The following C10orf90 variants were observed in gnomAD, a reference collection of about 807,000 sequenced individuals.
The protein encoded by C10orf90 is (E2-independent) E3 ubiquitin-conjugating enzyme FATS.
A neutral mutation model predicts 62.5 loss-of-function variants in C10orf90; 56 were observed. That is an observed-to-expected ratio of 0.90 (90% CI 0.72 to 1.12). C10orf90 has a LOEUF of 1.12. C10orf90 is among the 50% of genes most tolerant of loss of function. C10orf90 has a pLI of 0.00. For synonymous variants in C10orf90, 386 were observed against 340.4 expected, an observed-to-expected ratio of 1.13 and a Z score of -1.47; for missense variants, 970 against 880.4, an observed-to-expected ratio of 1.10 and a Z score of -1.29.
At chr10:126,500,583 T>C (rs1862319877) in intron 4 of C10orf90, among the ~76,000 whole-genome samples, 1 of 152,098 alleles carries the variant, frequency 6.6e-6, no homozygotes, top group Non-Finnish European at 1.5e-5. Context: ...GATTCGAAGA[T>C]TTGCCCAATG....
Position 126,564,614 on chromosome 10 carries a change from C to A in C10orf90, c.314-50675G>T, listed in dbSNP as rs190547907. 2.8e-3 allele frequency among the ~76,000 whole-genome samples: 414 copies of A among 149,608 alleles called. 3 individuals carry two copies. Among genetic ancestry groups the A allele is most frequent in the African/African-American group, 9.5e-3 (386 of 40,588 alleles). On this transcript the variant is annotated intron_variant, in intron 2 of 9. Coordinates refer to ENST00000488181, the MANE Select transcript of C10orf90 (RefSeq NM_001350921.2). ...GTTCCCAGATTGAAACCATAGCAAC[C>A]TCCTCCATCTCATGTGGAAGTGGCC...
intron 2 of C10orf90, among the ~76,000 whole-genome samples, chr10:126,633,943 C>T (rs1845900032): frequency 6.6e-6 from 1 of 152,130 alleles, no homozygotes; most frequent in African/African-American, 2.4e-5. Context: ...TCACTTCGCA[C>T]CTGTCAGAAT....
At chr10:126,431,291 C>T (rs1471591364) in intron 7 of C10orf90, among the ~76,000 whole-genome samples, 1 of 152,028 alleles carries the variant, frequency 6.6e-6, no homozygotes, top group Non-Finnish European at 1.5e-5. Context: ...CAAGGTCACT[C>T]CTCTCATAGA....
Position 126,425,997 on chromosome 10 carries a change from G to A in C10orf90, c.2346C>T (p.Phe782=), listed in dbSNP as rs1472764869. 3 of 1,613,994 alleles carry A rather than the reference G, an allele frequency of 1.9e-6. No homozygotes were observed. The highest frequency in any genetic ancestry group is 2.5e-6 in the Non-Finnish European group (3 of 1,179,978). Residue 782 remains phenylalanine, a synonymous_variant, in exon 9 of 10, where the codon TTC becomes TTT. Coordinates refer to ENST00000488181, the MANE Select transcript of C10orf90 (RefSeq NM_001350921.2). ...LQSNRLRAEV[F]KKQLLDQLLQ... ...CTGGTGACGAGGCCATTACCTTTTT[G>A]AAGACTTCGGCACGGAGTCTGTTAC...
chr10:126,501,784 A>G (rs982053397), intron 4 of C10orf90, among the ~76,000 whole-genome samples: 11 of 152,294 alleles, frequency 7.2e-5, no homozygotes, highest in Non-Finnish European at 1.0e-4. Context: ...TTGAAGCTGG[A>G]GGCTATGATT....
At chr10:126,632,218 G>T (rs772616905) in intron 2 of C10orf90, among the ~76,000 whole-genome samples, 3 of 151,940 alleles carry the variant, frequency 2.0e-5, no homozygotes, top group Non-Finnish European at 4.4e-5. Context: ...GTCCCTAGTT[G>T]TGTATTGGGT....
chr10:126,612,567 G>A (rs1161185529), intron 2 of C10orf90, among the ~76,000 whole-genome samples: 1 of 152,182 alleles, frequency 6.6e-6, no homozygotes, highest in Admixed American at 6.5e-5. Flanking sequence ...ATCTGAAGAG[G>A]TTTGGAATTC....
At chr10:126,531,342 G>A (rs1037529838) in intron 2 of C10orf90, among the ~76,000 whole-genome samples, 7 of 152,274 alleles carry the variant, frequency 4.6e-5, no homozygotes, top group South Asian at 2.1e-4. Flanking sequence ...GGCATTGGTG[G>A]GTAGACGCTA....
intron 2 of C10orf90, among the ~76,000 whole-genome samples, chr10:126,566,349 A>G (rs753508486): frequency 4.0e-4 from 61 of 152,334 alleles, no homozygotes; most frequent in Non-Finnish European, 6.0e-4. Flanking sequence ...TAAGTCCTGG[A>G]GATAAAACAG....
chr10:126,463,002 G>T (rs548236935), intron 5 of C10orf90, among the ~76,000 whole-genome samples: 65 of 152,070 alleles, frequency 4.3e-4, no homozygotes, highest in Non-Finnish European at 8.2e-4. Context: ...GGAAAAGAGC[G>T]ACTACTCTGC....
intron 4 of C10orf90, among the ~76,000 whole-genome samples, chr10:126,473,281 G>A (rs1356354901): frequency 6.6e-6 from 1 of 152,138 alleles, no homozygotes; most frequent in African/African-American, 2.4e-5. Context: ...GAGCCCTCAA[G>A]TCCCCACCAC....
In C10orf90 at chr10:126,669,381, G is replaced by A. The variant is rs527609298; in HGVS notation, c.240+860C>T. Among the ~76,000 whole-genome samples, 58 of 152,282 alleles carry A rather than the reference G, an allele frequency of 3.8e-4. 1 individual carries two copies. Among genetic ancestry groups the A allele is most frequent in the Non-Finnish European group, 5.7e-4 (39 of 68,026 alleles). On this transcript the variant is annotated intron_variant, in intron 1 of 9. Transcript: ENST00000488181. ...GCCCAGCCTGGGGAACAAAGACCTG[G>A]CGTATTTGCCAGTATTCATGGGAAG...
intron 2 of C10orf90, among the ~76,000 whole-genome samples, chr10:126,519,451 C>T (rs184977261): frequency 1.3e-5 from 2 of 152,074 alleles, no homozygotes; most frequent in Admixed American, 6.5e-5. Context: ...TGCCCAGAGG[C>T]CTTCAGTCTG....
At chr10:126,622,690 A>C (rs1387687297) in intron 2 of C10orf90, among the ~76,000 whole-genome samples, 1 of 152,102 alleles carries the variant, frequency 6.6e-6, no homozygotes, top group Middle Eastern at 3.2e-3. Flanking sequence ...CCCACTACTT[A>C]ACAGTCTCCA....
At chr10:126,429,517 C>T (rs978588246) in intron 8 of C10orf90, among the ~76,000 whole-genome samples, 6 of 152,218 alleles carry the variant, frequency 3.9e-5, no homozygotes, top group African/African-American at 9.6e-5. Flanking sequence ...AGCTCAGAGT[C>T]TGGGAATCTC....
At chr10:126,437,226 C>T (rs1328752384) in intron 7 of C10orf90, among the ~76,000 whole-genome samples, 2 of 152,150 alleles carry the variant, frequency 1.3e-5, no homozygotes, top group African/African-American at 2.4e-5. Context: ...TTTTTATTCT[C>T]TGCAAAAGAT....
chr10:126,549,364 C>T (rs1424850400), intron 2 of C10orf90, among the ~76,000 whole-genome samples: 2 of 152,152 alleles, frequency 1.3e-5, no homozygotes, highest in African/African-American at 4.8e-5. Context: ...CATAAAGATA[C>T]ATTTCACTGA....
At chr10:126,498,890 T>G (rs1862228997) in intron 4 of C10orf90, among the ~76,000 whole-genome samples, 1 of 152,104 alleles carries the variant, frequency 6.6e-6, no homozygotes, top group African/African-American at 2.4e-5. Flanking sequence ...CAGTCCTGCT[T>G]CCCTTCCTGG....
At chr10:126,519,171 C>G (rs1863608759) in intron 2 of C10orf90, among the ~76,000 whole-genome samples, 2 of 152,142 alleles carry the variant, frequency 1.3e-5, no homozygotes, top group Middle Eastern at 3.4e-3. Context: ...TAAAGGTGAA[C>G]AGAGTGGAGA....
Sources: gnomAD v4.1 joint callset for allele counts (sites outside exome capture counted in the v4.1 genomes callset) on GRCh38, gnomAD v4.1.1 for gene constraint, MANE v1.5 for transcripts, NCBI Gene and HGNC (gene_info 2026-07-23, HGNC 2026-07-21) for gene names.